The following HAUS6 variants were observed in gnomAD, a reference collection of about 807,000 sequenced individuals.
HAUS6 encodes HAUS augmin like complex subunit 6, also known as HAUS augmin-like complex subunit 6.
A neutral mutation model predicts 106.8 loss-of-function variants in HAUS6; 80 were observed. The ratio of observed to expected loss-of-function variants is 0.75; its 90% confidence interval spans 0.63 to 0.90. The LOEUF is 0.90. Ranked by LOEUF, HAUS6 falls within the 40% of genes least tolerant of loss-of-function variation. HAUS6 has a pLI of 0.00. For synonymous variants in HAUS6, 356 were observed against 379.1 expected, an observed-to-expected ratio of 0.94 and a Z score of 0.71; for missense variants, 1,155 against 1,118.1, an observed-to-expected ratio of 1.03 and a Z score of -0.47.
intron 7 of HAUS6, among the ~76,000 whole-genome samples, chr9:19,085,438 T>C (rs1837266357): frequency 1.3e-5 from 2 of 152,112 alleles, no homozygotes; most frequent in Admixed American, 1.3e-4. Context: ...AGCCCTAATG[T>C]CTACGAGATA....
intron 8 of HAUS6, among the ~76,000 whole-genome samples, 159 bp downstream of exon 8, chr9:19,082,714 G>A (rs377460102): frequency 2.0e-5 from 3 of 151,868 alleles, no homozygotes; most frequent in East Asian, 3.9e-4. Context: ...CCACGCCATT[G>A]CACTCCAGCC....
rs772520397 is a variant in HAUS6 at position 19,058,053 on chromosome 9, C to A, written c.2714G>T (p.Arg905Leu). ...SLRTSIGERK[R>L]SLSPLIKFSP... ...AAACTTAATTAGTGGTGAAAGAGAC[C>A]GTTTTCTTTCACCGATGGACGTGCG... The change falls in exon 16 of 17, where the codon CGG becomes CTG. Residue 905 changes from arginine to leucine, a missense_variant. Arg to Leu is a moderately radical substitution (Grantham distance 102). Transcript: ENST00000380502. 3 of 1,613,060 alleles carry A rather than the reference C, an allele frequency of 1.9e-6. No homozygotes were observed. The South Asian group carries it at 3.3e-5, about 18-fold the overall frequency.
chr9:19,076,327 T>G (rs562065577), intron 11 of HAUS6, among the ~76,000 whole-genome samples: 5 of 151,936 alleles, frequency 3.3e-5, no homozygotes, highest in Non-Finnish European at 7.4e-5. Context: ...GCACTCCAGC[T>G]TGGGCAACAA....
chr9:19,087,811 C>A (rs12352623), intron 5 of HAUS6, among the ~76,000 whole-genome samples: 1 of 127,756 alleles, frequency 7.8e-6, no homozygotes, highest in Non-Finnish European at 1.6e-5. Flanking sequence ...CCACTGCACT[C>A]TAGTCTAGCT....
chr9:19,066,839 A>C (rs1225313507), intron 12 of HAUS6, among the ~76,000 whole-genome samples: 1 of 151,260 alleles, frequency 6.6e-6, no homozygotes, highest in East Asian at 1.9e-4. Flanking sequence ...ACAAAAAAAA[A>C]AAAAAAAAAA....
At position 19,058,141 on chromosome 9, in the gene HAUS6, C is replaced by T. The variant is rs763237625; in HGVS notation, c.2626G>A (p.Asp876Asn). 6.2e-7 allele frequency: 1 copy of T among 1,613,996 alleles called. No individual in the cohort carries two copies. Residue 876 changes from aspartate to asparagine, a missense_variant, in exon 16 of 17, where the codon GAT becomes AAT. This residue lies in a region of HAUS6 where 380 missense variants were observed against 394.8 expected (regional missense o/e 0.96). Coordinates refer to ENST00000380502, the MANE Select transcript of HAUS6 (RefSeq NM_017645.5). ...GTGTCCAAAAAGTTAAGCGTATCAT[C>T]TGTTTGTACATTTTGGGGAGTAGGG... ...LSPTPQNVQTDDTLNFLDTCD... is the reference protein window; with the variant it reads ...LSPTPQNVQTNDTLNFLDTCD...
intron 1 of HAUS6, among the ~76,000 whole-genome samples, chr9:19,098,613 G>A (rs74731957): frequency 1.4e-4 from 22 of 152,086 alleles, no homozygotes; most frequent in South Asian, 8.3e-4. Flanking sequence ...ACTGCAAAGC[G>A]CTTCTTCCCC....
intron 5 of HAUS6, 110 bp from the exon 6 acceptor site, chr9:19,087,266 C>A: frequency 1.4e-6 from 1 of 702,478 alleles, no homozygotes; most frequent in Non-Finnish European, 2.6e-6. Flanking sequence ...CTGGGTACAG[C>A]CACCAGCAAG....
At chr9:19,091,121 A>C (rs1564019786) in intron 4 of HAUS6, among the ~76,000 whole-genome samples, 1 of 151,926 alleles carries the variant, frequency 6.6e-6, no homozygotes. Context: ...CAACATAATG[A>C]TACCCCATCT....
chr9:19,098,882 C>G (rs1480538214), intron 1 of HAUS6, among the ~76,000 whole-genome samples: 1 of 151,862 alleles, frequency 6.6e-6, no homozygotes, highest in Admixed American at 6.6e-5. Flanking sequence ...ATTAGCAGGG[C>G]ATGGTGGCGC....
rs1211895196 is a variant in HAUS6, at chr9:19,080,568, A to G, written c.975T>C (p.Ala325=). 1.9e-6 allele frequency: 3 copies of G among 1,602,082 alleles called. No homozygotes were observed. Among genetic ancestry groups the G allele is most frequent in the Non-Finnish European group, 2.6e-6 (3 of 1,170,206 alleles). ...LKVMKYERCQ[A]DQARLTVDLH... is the part of the protein sequence containing the mutation. ...GGTCTACCGTCAATCTTGCTTGATC[A>G]GCCTGACAACGTTCATATTTCATCA... is the stretch of plus-strand genomic sequence containing the variant. Residue 325 remains alanine, a synonymous_variant, in exon 9 of 17, where the codon GCT becomes GCC. Coordinates refer to ENST00000380502, the MANE Select transcript of HAUS6 (RefSeq NM_017645.5).
At chr9:19,075,349 G>C (rs747767791) in intron 11 of HAUS6, among the ~76,000 whole-genome samples, 4 of 152,212 alleles carry the variant, frequency 2.6e-5, no homozygotes, top group Admixed American at 6.5e-5. Context: ...CAAAAAGCAA[G>C]AAATTGTACA....
intron 2 of HAUS6, among the ~76,000 whole-genome samples, chr9:19,095,937 A>C (rs1351365401): frequency 1.3e-5 from 2 of 152,272 alleles, no homozygotes; most frequent in East Asian, 3.9e-4. Flanking sequence ...AAAAATAAGG[A>C]TTTACAGATA....
At chr9:19,080,895 A>G (rs1837131022) in intron 8 of HAUS6, among the ~76,000 whole-genome samples, 1 of 152,128 alleles carries the variant, frequency 6.6e-6, no homozygotes, top group South Asian at 2.1e-4. Context: ...CAACATGGAG[A>G]AACCCTGTCT....
chr9:19,102,844 G>C lies in HAUS6; in HGVS notation c.-193C>G, dbSNP rs1268104358. ...CCTCCGGGAAATTGAGTTTCTAACG[G>C]TATAGTGCGGCCACCACTGCCTCAG... On this transcript the variant is annotated 5_prime_UTR_variant, in exon 1 of 17. Coordinates refer to ENST00000380502, the MANE Select transcript of HAUS6 (RefSeq NM_017645.5). 1.9e-6 allele frequency: 1 copy of C among 525,090 alleles called. No homozygotes were observed. Among genetic ancestry groups the C allele is most frequent in the Non-Finnish European group, 3.3e-6 (1 of 299,460 alleles). The allele number at this position is 525,090 out of a possible 1,614,324, so 32.5% of individuals were successfully genotyped here.
intron 14 of HAUS6, among the ~76,000 whole-genome samples, chr9:19,061,509 G>A (rs1836618684): frequency 6.6e-6 from 1 of 152,026 alleles, no homozygotes; most frequent in African/African-American, 2.4e-5. Context: ...TAGGGACCAT[G>A]AAACTAGACC....
intron 4 of HAUS6, 133 bp downstream of exon 4, chr9:19,093,038 C>A: frequency 3.1e-6 from 2 of 637,606 alleles, no homozygotes; most frequent in Non-Finnish European, 5.3e-6. Flanking sequence ...GAATATTAAC[C>A]ATTTCCTTTT....
intron 7 of HAUS6, among the ~76,000 whole-genome samples, chr9:19,086,288 G>GCAAC (rs1448663610): frequency 1.4e-4 from 21 of 148,410 alleles, no homozygotes; most frequent in South Asian, 4.3e-4. Context: ...TCCAGCCTGG[G>GCAAC]AGAGTGAGAC....
intron 7 of HAUS6, among the ~76,000 whole-genome samples, chr9:19,084,194 A>C (rs1409793690): frequency 6.6e-6 from 1 of 152,232 alleles, no homozygotes; most frequent in Admixed American, 6.5e-5. Context: ...AATGAGAATA[A>C]ACATACTACA....
Sources: gnomAD v4.1 joint callset for allele counts (sites outside exome capture counted in the v4.1 genomes callset) on GRCh38, gnomAD v4.1.1 for gene constraint, gnomAD v4.1.1 regional missense constraint, MANE v1.5 for transcripts, NCBI Gene and HGNC (gene_info 2026-07-23, HGNC 2026-07-21) for gene names.